The following KCNG3 variants were observed in gnomAD, a reference collection of about 807,000 sequenced individuals.
KCNG3 encodes the protein potassium voltage-gated channel modifier subfamily G member 3.
In KCNG3, 15 loss-of-function variants were observed where a neutral mutation model predicts 29.0. The observed-to-expected ratio is 0.52, with a 90% confidence interval of 0.35 to 0.80. The LOEUF (loss-of-function observed/expected upper bound fraction) is 0.80. KCNG3 is among the 30% of genes least tolerant of loss of function. KCNG3 has a pLI of 0.01. For missense variants in KCNG3, 512 were observed against 605.7 expected (o/e 0.85, Z 1.62); for synonymous variants, 322 against 248.9 (o/e 1.29, Z -2.76).
At chr2:42,429,574 T>C in the KCNG3 span, among the ~76,000 whole-genome samples, 1 of 152,306 alleles carries the variant, frequency 6.6e-6, no homozygotes, top group East Asian at 1.9e-4. Context: ...ATTAACATGG[T>C]GGGCCAGGGT....
chr2:42,413,785 A>AT, the KCNG3 span: 1 of 152,372 alleles, frequency 6.6e-6, no homozygotes, highest in Non-Finnish European at 1.5e-5. Flanking sequence ...AAAGCCCCTT[A>AT]TAAAACCATC....
At chr2:42,475,404 C>A (rs1170868879) in intron 1 of KCNG3, among the ~76,000 whole-genome samples, 1 of 148,964 alleles carries the variant, frequency 6.7e-6, no homozygotes, top group Non-Finnish European at 1.5e-5. Flanking sequence ...TCTTGGCTCA[C>A]TGCAACCTCT....
downstream of KCNG3, among the ~76,000 whole-genome samples, chr2:42,439,092 T>C (rs1490362383): frequency 1.3e-5 from 2 of 152,186 alleles, no homozygotes; most frequent in Non-Finnish European, 2.9e-5. Flanking sequence ...CTTATTTGGA[T>C]ACATGTGGAT....
chr2:42,406,623 G>T, the KCNG3 span, among the ~76,000 whole-genome samples: 2 of 150,290 alleles, frequency 1.3e-5, no homozygotes, highest in Non-Finnish European at 3.0e-5. Context: ...TCAGGAGTTC[G>T]AGACCAGCCT....
downstream of KCNG3, among the ~76,000 whole-genome samples, chr2:42,439,177 C>A (rs2103652721): frequency 6.6e-6 from 1 of 152,096 alleles, no homozygotes; most frequent in South Asian, 2.1e-4. Flanking sequence ...CTCAAGCCCT[C>A]CTTCTTGACA....
chr2:42,446,219 C>A (rs955781801), intron 1 of KCNG3, among the ~76,000 whole-genome samples: 1 of 151,828 alleles, frequency 6.6e-6, no homozygotes, highest in Non-Finnish European at 1.5e-5. Context: ...TTCTGTCACC[C>A]AGGCTGGAGT....
chr2:42,453,714 G>A (rs1394821469), intron 1 of KCNG3, among the ~76,000 whole-genome samples: 2 of 152,074 alleles, frequency 1.3e-5, no homozygotes, highest in African/African-American at 2.4e-5. Context: ...TTAATTGGGT[G>A]TGATCCCATT....
intron 1 of KCNG3, among the ~76,000 whole-genome samples, chr2:42,454,728 G>A (rs557862991): frequency 1.3e-5 from 2 of 151,864 alleles, no homozygotes; most frequent in South Asian, 4.2e-4. Flanking sequence ...AAAAAAGAAA[G>A]AAAGGAAATC....
chr2:42,429,769 G>T, the KCNG3 span, among the ~76,000 whole-genome samples: 4 of 152,172 alleles, frequency 2.6e-5, no homozygotes, highest in African/African-American at 9.7e-5. Flanking sequence ...TGCTACTCTG[G>T]AATCTGAAGC....
At chr2:42,457,668 C>CACACA (rs1553327831) in intron 1 of KCNG3, among the ~76,000 whole-genome samples, 48 of 149,712 alleles carry the variant, frequency 3.2e-4, no homozygotes, top group African/African-American at 4.2e-4. Flanking sequence ...CACACACACA[C>CACACA]AAGGCTGGGC....
At chr2:42,415,575 A>C in the KCNG3 span, 1 of 152,236 alleles carries the variant, frequency 6.6e-6, no homozygotes, top group Admixed American at 6.5e-5. Flanking sequence ...TAACATGAAC[A>C]AGAAATAGAC....
intron 1 of KCNG3, among the ~76,000 whole-genome samples, chr2:42,473,920 G>A (rs988146816): frequency 6.6e-6 from 1 of 152,062 alleles, no homozygotes; most frequent in African/African-American, 2.4e-5. Context: ...GGGAAGCAGA[G>A]GCAGCTGGAT....
the KCNG3 span, among the ~76,000 whole-genome samples, chr2:42,402,860 T>G: frequency 6.6e-6 from 1 of 152,222 alleles, no homozygotes; most frequent in East Asian, 1.9e-4. Context: ...ACGTTTGAAT[T>G]GTCACAGCTG....
At chr2:42,423,469 C>T in the KCNG3 span, among the ~76,000 whole-genome samples, 1 of 152,218 alleles carries the variant, frequency 6.6e-6, no homozygotes, top group Admixed American at 6.5e-5. Flanking sequence ...ACTCCTCACA[C>T]ACTCTCTTCT....
intron 1 of KCNG3, among the ~76,000 whole-genome samples, chr2:42,452,244 T>TATATATATA (rs1491559721): frequency 8.8e-5 from 5 of 57,040 alleles, no homozygotes; most frequent in African/African-American, 3.1e-4. Flanking sequence ...TATATATATA[T>TATATATATA]TTTTTTTTTT....
chr2:42,444,313 G>A lies in KCNG3; in HGVS notation c.932C>T (p.Thr311Ile). 2 of 1,614,218 alleles carry A rather than the reference G, an allele frequency of 1.2e-6. No homozygotes were observed. Among genetic ancestry groups the A allele is most frequent in the Non-Finnish European group, 8.5e-7 (1 of 1,180,040 alleles). ...KLARHFIGLQ[T>I]LGLTLKRCYR... Reference sequence around the variant, plus strand: ...GCAACGTTTGAGAGTCAAACCGAGTGTCTGAAGACCAATGAAGTGACGGGC... The same window carrying A: ...GCAACGTTTGAGAGTCAAACCGAGTATCTGAAGACCAATGAAGTGACGGGC... Residue 311 changes from threonine to isoleucine, a missense_variant, in exon 2 of 2, where the codon ACA becomes ATA. Thr to Ile is a moderately conservative substitution (Grantham distance 89). Coordinates refer to ENST00000306078, the MANE Select transcript of KCNG3 (RefSeq NM_133329.6). The surrounding 1 kb of genome is among the most constrained non-coding windows in gnomAD (Gnocchi z 5.8).
chr2:42,431,776 G>A, the KCNG3 span, among the ~76,000 whole-genome samples: 1 of 152,196 alleles, frequency 6.6e-6, no homozygotes, highest in Admixed American at 6.5e-5. Context: ...AGTGGCTTCT[G>A]CCTTTAACCC....
chr2:42,419,965 G>A, the KCNG3 span, among the ~76,000 whole-genome samples: 1 of 152,226 alleles, frequency 6.6e-6, no homozygotes, highest in African/African-American at 2.4e-5. Flanking sequence ...GCTCATGCCT[G>A]TAATCCCAGC....
chr2:42,458,277 C>T (rs960173988), intron 1 of KCNG3, among the ~76,000 whole-genome samples: 2 of 152,176 alleles, frequency 1.3e-5, no homozygotes. Context: ...GATCTCTTTT[C>T]CTGCAATCAC....
Sources: allele counts gnomAD v4.1 joint callset (sites outside exome capture counted in the v4.1 genomes callset), GRCh38; gene constraint gnomAD v4.1.1; non-coding constraint Gnocchi (gnomAD v3.1); transcripts MANE v1.5; gene names NCBI Gene and HGNC (gene_info 2026-07-23, HGNC 2026-07-21).